The following AGBL4 variants were observed in gnomAD, a reference collection of about 807,000 sequenced individuals.
AGBL4 encodes AGBL carboxypeptidase 4.
AGBL4 carries 58 observed loss-of-function variants against 66.4 expected under a neutral mutation model. The ratio of observed to expected loss-of-function variants is 0.87; its 90% CI spans 0.71 to 1.09. AGBL4 has a LOEUF of 1.09. Among genes scored for constraint, AGBL4 ranks in the 50% least tolerant of loss-of-function variants. The probability of loss-of-function intolerance (pLI) is 0.00; values close to 1 mark genes in which losing one functional copy is unlikely to be tolerated. For missense variants in AGBL4, 579 were observed against 631.0 expected, an observed-to-expected ratio of 0.92 and a Z score of 0.88; for synonymous variants, 234 against 222.9, an observed-to-expected ratio of 1.05 and a Z score of -0.44.
chr1:48,591,095 C>CA (rs1644911762), intron 9 of AGBL4, 110 bp from the exon 10 acceptor site: 1 of 741,898 alleles, frequency 1.3e-6, no homozygotes, highest in East Asian at 2.7e-5. Context: ...CACCCACCCC[C>CA]CCCCACACAC....
intron 6 of AGBL4, among the ~76,000 whole-genome samples, chr1:48,824,279 G>C (rs1487630678): frequency 6.6e-6 from 1 of 152,182 alleles, no homozygotes; most frequent in Non-Finnish European, 1.5e-5. Flanking sequence ...ATACATGGGG[G>C]TCATGTGAGC....
intron 6 of AGBL4, among the ~76,000 whole-genome samples, chr1:48,692,112 G>A (rs1385233638): frequency 2.6e-5 from 4 of 152,128 alleles, no homozygotes; most frequent in African/African-American, 9.7e-5. Flanking sequence ...TTCTAATCAG[G>A]TTGTTACCTC....
At chr1:49,157,342 C>A (rs1646453051) in intron 4 of AGBL4, among the ~76,000 whole-genome samples, 2 of 146,674 alleles carry the variant, frequency 1.4e-5, no homozygotes, top group African/African-American at 5.1e-5. Context: ...GTTTGGTTTT[C>A]TCTTCTTGTC....
chr1:49,489,503 T>C (rs1409113224), intron 3 of AGBL4, among the ~76,000 whole-genome samples: 3 of 151,444 alleles, frequency 2.0e-5, no homozygotes, highest in East Asian at 3.8e-4. Context: ...ACTTTCTTGA[T>C]TGTTTCTTTT....
intron 1 of AGBL4, among the ~76,000 whole-genome samples, chr1:49,882,204 G>T (rs936360146): frequency 1.3e-4 from 19 of 150,424 alleles, no homozygotes; most frequent in Non-Finnish European, 4.4e-5. Flanking sequence ...TTGTAGATAT[G>T]CGGCATTATT....
intron 5 of AGBL4, among the ~76,000 whole-genome samples, chr1:48,961,116 T>A (rs1208357711): frequency 2.0e-5 from 3 of 151,136 alleles, no homozygotes; most frequent in African/African-American, 7.3e-5. Flanking sequence ...TGCGTGTATG[T>A]GTGTGTATGT....
intron 6 of AGBL4, among the ~76,000 whole-genome samples, chr1:48,665,299 G>T (rs1460204462): frequency 6.6e-6 from 1 of 152,196 alleles, no homozygotes; most frequent in Non-Finnish European, 1.5e-5. Context: ...GCATTTCCTG[G>T]ACTGAATATA....
At chr1:49,548,272 T>C (rs1159164713) in intron 3 of AGBL4, among the ~76,000 whole-genome samples, 1 of 152,182 alleles carries the variant, frequency 6.6e-6, no homozygotes, top group Non-Finnish European at 1.5e-5. Context: ...ACTTCCTCTT[T>C]ACTGATTTGG....
intron 8 of AGBL4, among the ~76,000 whole-genome samples, chr1:48,652,197 G>A (rs1248068811): frequency 6.6e-6 from 1 of 152,152 alleles, no homozygotes; most frequent in African/African-American, 2.4e-5. Flanking sequence ...GCAAGACCCT[G>A]TCTCAAACAA....
intron 1 of AGBL4, among the ~76,000 whole-genome samples, chr1:49,923,384 T>C (rs929262537): frequency 6.6e-6 from 1 of 151,996 alleles, no homozygotes; most frequent in African/African-American, 2.4e-5. Context: ...ACCTAGGAAA[T>C]ACCATTTTAA....
At chr1:48,738,816 C>G (rs768537975) in intron 6 of AGBL4, among the ~76,000 whole-genome samples, 1 of 152,096 alleles carries the variant, frequency 6.6e-6, no homozygotes, top group East Asian at 1.9e-4. Flanking sequence ...TTTTTGAGTA[C>G]CTGGTTCACG....
chr1:48,687,600 T>C (rs1218251970), intron 6 of AGBL4, among the ~76,000 whole-genome samples: 2 of 152,142 alleles, frequency 1.3e-5, no homozygotes, highest in Non-Finnish European at 2.9e-5. Flanking sequence ...GTGGAAAAAC[T>C]CCACAGACCA....
At chr1:49,979,665 C>T (rs1658899941) in intron 1 of AGBL4, among the ~76,000 whole-genome samples, 1 of 152,156 alleles carries the variant, frequency 6.6e-6, no homozygotes, top group Non-Finnish European at 1.5e-5. Flanking sequence ...CTGCTTAAAA[C>T]ACTGTGTGAC....
At chr1:49,735,288 GGTGTGTGGGTGTGTGTGTGTGT>G (rs1206564630) in intron 2 of AGBL4, among the ~76,000 whole-genome samples, 2 of 115,144 alleles carry the variant, frequency 1.7e-5, no homozygotes, top group East Asian at 2.4e-4. Flanking sequence ...AAGAGGTAGA[GGTGTGTGGGTGTGTGTGTGTGT>G]GTGTGTGTGT....
In AGBL4 at chr1:49,950,019, T is replaced by C. The variant is rs76546610; in HGVS notation, c.34+73744A>G. On this transcript the variant is annotated intron_variant, in intron 1 of 13. Transcript: ENST00000371839. Reference sequence around the variant, plus strand: ...ATGTGTATATATATATACACACACATATGTGTGTGTGTGTATATATATACA... The same window carrying C: ...ATGTGTATATATATATACACACACACATGTGTGTGTGTGTATATATATACA... Among the ~76,000 whole-genome samples, 87 of 12,140 alleles carry C rather than the reference T, an allele frequency of 7.2e-3. No individual in the cohort carries two copies. In the South Asian group the frequency reaches 0.24, roughly 34 times the overall value. The allele number at this position is 12,140 out of a possible 152,430, so 8.0% of individuals were successfully genotyped here. A position where few individuals can be genotyped will look rare whatever the true frequency, so the allele number is the denominator to read the frequency against.
intron 3 of AGBL4, among the ~76,000 whole-genome samples, chr1:49,647,633 C>T (rs1312434384): frequency 1.3e-5 from 2 of 152,028 alleles, no homozygotes; most frequent in Non-Finnish European, 2.9e-5. Flanking sequence ...GTGAAATAAC[C>T]ATTTAAAAAT....
chr1:49,772,641 AT>A (rs1644095415), intron 2 of AGBL4, among the ~76,000 whole-genome samples: 1 of 151,896 alleles, frequency 6.6e-6, no homozygotes, highest in Non-Finnish European at 1.5e-5. Context: ...TTTGCTCATG[AT>A]TTTCTTCTTT....
At chr1:49,242,195 C>T (rs1651288557) in intron 4 of AGBL4, among the ~76,000 whole-genome samples, 1 of 151,866 alleles carries the variant, frequency 6.6e-6, no homozygotes, top group Non-Finnish European at 1.5e-5. Flanking sequence ...AGAAATAATC[C>T]TAATCAACTG....
chr1:49,382,025 C>G (rs1433143826), intron 3 of AGBL4, among the ~76,000 whole-genome samples: 1 of 151,814 alleles, frequency 6.6e-6, no homozygotes, highest in Non-Finnish European at 1.5e-5. Flanking sequence ...AAAAAAAATA[C>G]AGTTCCTGTA....
Sources: gnomAD v4.1 joint callset for allele counts (sites outside exome capture counted in the v4.1 genomes callset) on GRCh38, gnomAD v4.1.1 for gene constraint, MANE v1.5 for transcripts, NCBI Gene and HGNC (gene_info 2026-07-23, HGNC 2026-07-21) for gene names.